The following SEMA6A variants were observed in gnomAD, a reference collection of about 807,000 sequenced individuals.
The protein encoded by SEMA6A is semaphorin-6A.
Under a neutral mutation model 96.8 loss-of-function variants are expected in SEMA6A, and 25 were observed. That is an observed-to-expected ratio of 0.26 (90% CI 0.19 to 0.36). The LOEUF is 0.36. Ranked by LOEUF, SEMA6A falls within the 10% of genes least tolerant of loss-of-function variation. SEMA6A has a pLI of 1.00. For synonymous variants in SEMA6A, 612 were observed against 518.0 expected (o/e 1.18, Z -2.46); for missense variants, 1,363 against 1,323.1 (o/e 1.03, Z -0.47).
chr5:116,512,022 G>A (rs910679848), intron 1 of SEMA6A, among the ~76,000 whole-genome samples: 3 of 152,204 alleles, frequency 2.0e-5, no homozygotes, highest in African/African-American at 4.8e-5. Context: ...CTGCTTCACA[G>A]AGGCTGGAAC....
intron 2 of SEMA6A, among the ~76,000 whole-genome samples, chr5:116,503,505 C>A (rs1757992541): frequency 9.2e-6 from 1 of 108,330 alleles, no homozygotes; most frequent in Non-Finnish European, 1.8e-5. Context: ...TCCATTTGGG[C>A]TGGAGTCCCT....
intron 1 of SEMA6A, chr5:116,562,548 G>A: frequency 1.8e-6 from 1 of 567,624 alleles, no homozygotes; most frequent in Non-Finnish European, 3.4e-6. Context: ...GGAGTCTGGA[G>A]ACAACGTGCA....
intron 1 of SEMA6A, among the ~76,000 whole-genome samples, chr5:116,557,830 A>C (rs1224376980): frequency 6.6e-6 from 1 of 152,178 alleles, no homozygotes; most frequent in Non-Finnish European, 1.5e-5. Flanking sequence ...CTTTCCGGGG[A>C]TCTAAACAAA....
chr5:116,454,800 G>GTT (rs1754898243), intron 18 of SEMA6A, among the ~76,000 whole-genome samples: 1 of 150,436 alleles, frequency 6.6e-6, no homozygotes, highest in Non-Finnish European at 1.5e-5. Flanking sequence ...GTGTGTGTGT[G>GTT]TGTGTGTGTG....
rs764006990 is a variant in SEMA6A, at chr5:116,467,802, CT to C, written c.1730-56del. 5.4e-5 allele frequency: 85 copies of C among 1,587,584 alleles called. No individual in the cohort carries two copies. The African/African-American group carries it at 1.1e-3, about 21-fold the overall frequency. ...ACATCACCAGAGAGACCCACATTCC[CT>C]TTGCGCAGAGGCCTGGAGGTGGGAC... On this transcript the variant is annotated intron_variant, in intron 17 of 18. Transcript: ENST00000343348.
At chr5:116,525,467 C>T (rs1759180018) in intron 1 of SEMA6A, among the ~76,000 whole-genome samples, 1 of 152,188 alleles carries the variant, frequency 6.6e-6, no homozygotes, top group South Asian at 2.1e-4. Flanking sequence ...AGTATCCTCA[C>T]CTTTCAGCAT....
intron 6 of SEMA6A, 23 bp from the exon 7 acceptor site, chr5:116,491,853 A>G (rs1757344883): frequency 1.3e-6 from 2 of 1,555,604 alleles, no homozygotes; most frequent in African/African-American, 1.4e-5. Flanking sequence ...ATCAGACTTA[A>G]TTACAAACAA....
In SEMA6A at chr5:116,550,136, T is replaced by C. The variant is rs369701839; in HGVS notation, c.-39+24049A>G. ...TCACAGTCATTGTCATTTTAAAATA[T>C]AAATGTTATACATATCCATTGATTA... On this transcript the variant is annotated intron_variant, in intron 1 of 18. Transcript: ENST00000343348. 99 of 152,358 alleles carry C rather than the reference T, an allele frequency of 6.5e-4. 1 individual carries two copies. Among genetic ancestry groups the C allele is most frequent in the African/African-American group, 2.1e-3 (87 of 41,578 alleles). The allele number at this position is 152,358 out of a possible 1,614,324, so 9.4% of individuals were successfully genotyped here. A position where few individuals can be genotyped will look rare whatever the true frequency, so the allele number is the denominator to read the frequency against.
chr5:116,570,237 A>AAT (rs1761155370), intron 1 of SEMA6A, among the ~76,000 whole-genome samples: 1 of 152,210 alleles, frequency 6.6e-6, no homozygotes, highest in South Asian at 2.1e-4. Context: ...GCCAGCAGAG[A>AAT]ATAGCTCAGT....
intron 1 of SEMA6A, among the ~76,000 whole-genome samples, chr5:116,549,248 G>A (rs770515812): frequency 2.0e-4 from 31 of 152,118 alleles, no homozygotes; most frequent in Non-Finnish European, 3.1e-4. Flanking sequence ...GAGTCAGAGA[G>A]GTGAGCATTC....
intron 4 of SEMA6A, 97 bp from the exon 5 acceptor site, chr5:116,496,410 A>G (rs1395971621): frequency 7.2e-6 from 7 of 969,872 alleles, no homozygotes; most frequent in Non-Finnish European, 1.1e-5. Context: ...GGCTGAACAT[A>G]TATTTATTGA....
chr5:116,519,000 T>TAA (rs58048781), intron 1 of SEMA6A, among the ~76,000 whole-genome samples: 4 of 146,246 alleles, frequency 2.7e-5, no homozygotes, highest in South Asian at 2.2e-4. Context: ...TCCTAAGAGT[T>TAA]AAAAAAAAAA....
At chr5:116,530,810 A>G (rs191668744) in intron 1 of SEMA6A, among the ~76,000 whole-genome samples, 2 of 152,272 alleles carry the variant, frequency 1.3e-5, no homozygotes, top group Admixed American at 1.3e-4. Flanking sequence ...TTTAGGTGGT[A>G]TATTTTCAAA....
intron 1 of SEMA6A, among the ~76,000 whole-genome samples, chr5:116,547,196 T>A (rs751355065): frequency 2.0e-5 from 3 of 152,192 alleles, no homozygotes; most frequent in Non-Finnish European, 4.4e-5. Flanking sequence ...ATTAAGTAAA[T>A]GCTAGGTAGT....
Position 116,446,754 on chromosome 5 carries a change from C to T in SEMA6A, c.2952G>A (p.Ser984=), listed in dbSNP as rs372242834. 32 of 1,608,570 alleles carry T rather than the reference C, an allele frequency of 2.0e-5. No individual in the cohort carries two copies. The highest frequency in any genetic ancestry group is 1.7e-4 in the Middle Eastern group (1 of 6,054). ...TGTAGGCGTTGAGGCTGGGCTGCCT[C>T]GAGACAGTCACGGCCTGGCCAGATG... ...SQPSGQAVTV[S]RQPSLNAYNS... Residue 984 remains serine (S), a synonymous_variant, in exon 19 of 19, where the codon TCG becomes TCA. Coordinates refer to ENST00000343348, the MANE Select transcript of SEMA6A (RefSeq NM_020796.5).
chr5:116,565,517 T>C (rs1043898526), intron 1 of SEMA6A, among the ~76,000 whole-genome samples: 11 of 152,318 alleles, frequency 7.2e-5, no homozygotes, highest in Non-Finnish European at 1.2e-4. Flanking sequence ...CATTAACAAG[T>C]ATTCTTATAA....
At chr5:116,569,271 A>G (rs1761120213) in intron 1 of SEMA6A, among the ~76,000 whole-genome samples, 1 of 152,218 alleles carries the variant, frequency 6.6e-6, no homozygotes, top group Non-Finnish European at 1.5e-5. Flanking sequence ...GAATATGAGA[A>G]GCAAATCATG....
At chr5:116,540,690 T>G (rs1759923951) in intron 1 of SEMA6A, among the ~76,000 whole-genome samples, 1 of 152,218 alleles carries the variant, frequency 6.6e-6, no homozygotes, top group Non-Finnish European at 1.5e-5. Flanking sequence ...GTTGTGTATA[T>G]GCATGTTAGA....
chr5:116,473,472 T>C (rs530933084), intron 16 of SEMA6A, among the ~76,000 whole-genome samples: 17 of 152,350 alleles, frequency 1.1e-4, no homozygotes, highest in Admixed American at 9.8e-4. Flanking sequence ...ACTTATTCTT[T>C]ACATTCTCTT....
Sources: allele counts gnomAD v4.1 joint callset (sites outside exome capture counted in the v4.1 genomes callset), GRCh38; gene constraint gnomAD v4.1.1; transcripts MANE v1.5; gene names NCBI Gene and HGNC (gene_info 2026-07-23, HGNC 2026-07-21).